Variants in LTN1 observed in about 807,000 individuals in gnomAD.
LTN1 encodes the protein E3 ubiquitin-protein ligase listerin.
Under a neutral mutation model 201.2 loss-of-function variants are expected in LTN1, and 88 were observed. The ratio of observed to expected loss-of-function variants is 0.44; its 90% confidence interval spans 0.37 to 0.52. LTN1 has a LOEUF of 0.52. Among genes scored for constraint, LTN1 ranks in the 20% least tolerant of loss-of-function variants. LTN1 has a pLI of 0.00. For synonymous variants in LTN1, 645 were observed against 713.5 expected, an observed-to-expected ratio of 0.90 and a Z score of 1.53; for missense variants, 1,752 against 2,038.7, an observed-to-expected ratio of 0.86 and a Z score of 2.71.
intron 8 of LTN1, 54 bp from the exon 9 acceptor site, chr21:28,969,655 C>A: frequency 7.2e-7 from 1 of 1,387,656 alleles, no homozygotes; most frequent in South Asian, 1.4e-5. Flanking sequence ...AACAAGAACT[C>A]AGAATTATCA....
At position 28,969,516 on chromosome 21, in the gene LTN1, G is replaced by T. The variant is rs768726342; in HGVS notation, c.1261C>A (p.Gln421Lys). ...ATCTCTTCCTCACCTAAGTTTTGCT[G>T]CATTATAAAACGTAAGCATTCAAAA... ...AFFECLRFIM[Q>K]QNLGEEEIEQ... The change falls in exon 9 of 30, where the codon CAG becomes AAG. Residue 421 changes from glutamine (Q) to lysine (K), a missense_variant. Coordinates refer to ENST00000361371, the MANE Select transcript of LTN1 (RefSeq NM_015565.3). 12 of 1,612,702 alleles carry T rather than the reference G, an allele frequency of 7.4e-6. No individual in the cohort carries two copies. In the South Asian group the frequency reaches 1.3e-4, roughly 18 times the overall value.
chr21:28,945,052 T>A (rs2084326665), intron 21 of LTN1, among the ~76,000 whole-genome samples: 1 of 152,076 alleles, frequency 6.6e-6, no homozygotes, highest in Non-Finnish European at 1.5e-5. Context: ...TGAAACCGCA[T>A]CTCTACCAAA....
chr21:28,931,294 A>G lies in LTN1; in HGVS notation c.5099T>C (p.Leu1700Ser). 1 of 1,611,876 alleles carries G rather than the reference A, an allele frequency of 6.2e-7. No individual in the cohort carries two copies. The highest frequency in any genetic ancestry group is 2.2e-5 in the East Asian group (1 of 44,792). Residue 1700 changes from leucine to serine, a missense_variant, in exon 29 of 30, where the codon TTA becomes TCA. Leu to Ser is a moderately radical substitution (Grantham distance 145). This residue lies in a region of LTN1 where 261 missense variants were observed against 350.1 expected (regional missense o/e 0.75). Transcript: ENST00000361371. ...QNGSIMEGLALWKNNVDKRFE... is the reference protein window; with the variant it reads ...QNGSIMEGLASWKNNVDKRFE... ...ACGTTTGTCTACGTTATTTTTCCATAAAGCTAAGCCTTCCATAATACTTCC... is the reference window on the plus strand; with the variant it reads ...ACGTTTGTCTACGTTATTTTTCCATGAAGCTAAGCCTTCCATAATACTTCC...
intron 11 of LTN1, 124 bp downstream of exon 11, chr21:28,965,741 G>A: frequency 3.5e-6 from 2 of 579,342 alleles, no homozygotes; most frequent in South Asian, 4.3e-5. Context: ...TTACAATAAT[G>A]AGGAAGTTCT....
At chr21:28,968,079 A>C (rs1469000097) in intron 9 of LTN1, 1 of 152,198 alleles carries the variant, frequency 6.6e-6, no homozygotes, top group Non-Finnish European at 1.5e-5. Flanking sequence ...TTTGTAAAAC[A>C]CTATTTCATA....
At chr21:28,983,979 G>C (rs1304018861) in intron 4 of LTN1, among the ~76,000 whole-genome samples, 1 of 152,182 alleles carries the variant, frequency 6.6e-6, no homozygotes, top group African/African-American at 2.4e-5. Context: ...AACAGGTATG[G>C]CTGGTAACTT....
Position 28,936,756 on chromosome 21 carries a change from A to G in LTN1, c.4483-59T>C, listed in dbSNP as rs981211856. The G allele has an allele frequency of 2.3e-6, 3 of 1,327,094 alleles. No homozygotes were observed. The African/African-American group carries it at 4.4e-5, about 19-fold the overall frequency. 82.2% of individuals were successfully genotyped at this position (1,327,094 alleles called of 1,614,324 possible). On this transcript the variant is annotated intron_variant, in intron 25 of 29. Transcript: ENST00000361371. Reference sequence around the variant, plus strand: ...AATACACCAAGACAATTGGTATAAAAGAACAACTCAAAGTGTAACAAATTT... The same window carrying G: ...AATACACCAAGACAATTGGTATAAAGGAACAACTCAAAGTGTAACAAATTT...
intron 28 of LTN1, among the ~76,000 whole-genome samples, chr21:28,931,754 C>T (rs2084212634): frequency 6.6e-6 from 1 of 152,158 alleles, no homozygotes; most frequent in Non-Finnish European, 1.5e-5. Flanking sequence ...GTAATCCCAG[C>T]ACTTTGGGAG....
At chr21:28,971,504 T>C in intron 6 of LTN1, 60 bp from the exon 7 acceptor site, 8 of 1,482,990 alleles carry the variant, frequency 5.4e-6, no homozygotes, top group Middle Eastern at 3.5e-4. Flanking sequence ...AGATTTTTAA[T>C]TTATGGTAAT....
In LTN1 at chr21:28,992,843, C is replaced by G. The variant is rs373954248; in HGVS notation, c.-38G>C. ...AGCTGTACTCTGAGCACTCAGACCC[C>G]GGTTGACACGTCCGGGACACAACTT... is the stretch of plus-strand genomic sequence containing the variant. On this transcript the variant is annotated 5_prime_UTR_variant, in exon 1 of 30. Coordinates refer to ENST00000361371, the MANE Select transcript of LTN1 (RefSeq NM_015565.3). The G allele has an allele frequency of 3.1e-6, 5 of 1,614,044 alleles. No individual in the cohort carries two copies. The African/African-American group carries it at 5.3e-5, about 17-fold the overall frequency.
At chr21:28,992,279 A>C (rs1230875859) in intron 1 of LTN1, among the ~76,000 whole-genome samples, 1 of 152,180 alleles carries the variant, frequency 6.6e-6, no homozygotes, top group East Asian at 1.9e-4. Flanking sequence ...ATGGGACTGC[A>C]GATGGAAAGG....
rs370325007 is a variant in LTN1 at position 28,966,838 on chromosome 21, C to G, written c.1653G>C (p.Glu551Asp). The change falls in exon 10 of 30, where the codon GAG becomes GAC. Residue 551 changes from glutamate to aspartate, a missense_variant. Around this residue, in one of 3 missense-constraint regions of LTN1, gnomAD observed 1,211 missense variants for 1,312.8 expected, o/e 0.92. Coordinates refer to ENST00000361371, the MANE Select transcript of LTN1 (RefSeq NM_015565.3). ...CTTCTGAAGATACACATTTTTCATT[C>G]TCTTTATTGCTTTCAAGTATCTCAT... ...FADEILESNK[E>D]NEKCVSSEGE... 3.7e-6 allele frequency: 6 copies of G among 1,610,704 alleles called. No homozygotes were observed. Among genetic ancestry groups the G allele is most frequent in the Non-Finnish European group, 5.1e-6 (6 of 1,179,138 alleles).
chr21:28,971,245 G>A, intron 7 of LTN1, 26 bp downstream of exon 7: 3 of 1,571,290 alleles, frequency 1.9e-6, no homozygotes, highest in South Asian at 1.2e-5. Context: ...ATTCCTCAGT[G>A]TACTAAATGT....
intron 17 of LTN1, 21 bp downstream of exon 17, chr21:28,953,196 C>A: frequency 2.6e-6 from 4 of 1,518,032 alleles, no homozygotes; most frequent in Non-Finnish European, 3.5e-6. Flanking sequence ...ATTTTAAAAA[C>A]AAATTGAAAG....
chr21:28,968,332 A>C (rs888250839), intron 9 of LTN1, among the ~76,000 whole-genome samples: 1 of 152,158 alleles, frequency 6.6e-6, no homozygotes, highest in African/African-American at 2.4e-5. Flanking sequence ...TCAACATGAA[A>C]GATACCTAGG....
chr21:28,977,309 G>A (rs1355061583), intron 6 of LTN1, among the ~76,000 whole-genome samples: 1 of 151,010 alleles, frequency 6.6e-6, no homozygotes. Context: ...AGGAGGTGGA[G>A]GTTGCAGTGA....
chr21:28,933,724 T>A (rs948179455), intron 27 of LTN1, among the ~76,000 whole-genome samples: 1 of 151,040 alleles, frequency 6.6e-6, no homozygotes, highest in Non-Finnish European at 1.5e-5. Context: ...TTGCCCAGGC[T>A]GGAGTGCAAT....
chr21:28,958,723 T>C (rs1332386884), intron 13 of LTN1, among the ~76,000 whole-genome samples, 184 bp from the exon 14 acceptor site: 2 of 152,194 alleles, frequency 1.3e-5, no homozygotes, highest in African/African-American at 2.4e-5. Context: ...CATGCAATCA[T>C]ACAAGCTAGC....
chr21:28,966,333 TA>T, intron 10 of LTN1, 36 bp downstream of exon 10: 1 of 1,493,628 alleles, frequency 6.7e-7, no homozygotes, highest in Non-Finnish European at 9.1e-7. Flanking sequence ...ACTCATCTAT[TA>T]TTCAAATAGT....
Sources: allele counts gnomAD v4.1 joint callset (sites outside exome capture counted in the v4.1 genomes callset), GRCh38; gene constraint gnomAD v4.1.1; regional missense constraint gnomAD v4.1.1; transcripts MANE v1.5; gene names NCBI Gene and HGNC (gene_info 2026-07-23, HGNC 2026-07-21).